COL26A1: variants seen among roughly 807,000 people sequenced by gnomAD.
COL26A1 encodes collagen alpha-1(XXVI) chain.
COL26A1 carries 41 observed loss-of-function variants against 59.3 expected under a neutral mutation model. The ratio of observed to expected loss-of-function variants is 0.69; its 90% confidence interval spans 0.54 to 0.90. COL26A1 has a LOEUF of 0.90. COL26A1 is among the 40% of genes least tolerant of loss of function. COL26A1 has a pLI of 0.00. For missense variants in COL26A1, 612 were observed against 602.3 expected, an observed-to-expected ratio of 1.02 and a Z score of -0.17; for synonymous variants, 266 against 256.0, an observed-to-expected ratio of 1.04 and a Z score of -0.37.
Position 101,400,351 on chromosome 7 carries a change from C to CTTT in COL26A1, c.159-19625_159-19624insTTT, listed in dbSNP as rs1387032420. 2.6e-3 allele frequency among the ~76,000 whole-genome samples: 318 copies of CTTT among 123,340 alleles called. 67 individuals carry two copies. Among genetic ancestry groups the CTTT allele is most frequent in the Admixed American group, 3.4e-3 (38 of 11,334 alleles). The allele number at this position is 123,340 out of a possible 152,430, so 80.9% of individuals were successfully genotyped here. On this transcript the variant is annotated intron_variant, in intron 1 of 12. Coordinates refer to ENST00000313669, the MANE Select transcript of COL26A1 (RefSeq NM_001278563.3). ...GTCCACACTGCCTTTCTTTTTTTTCCTATTTTTTTTTTTTTTTTTTTTTTT... is the reference window on the plus strand; with the variant it reads ...GTCCACACTGCCTTTCTTTTTTTTCCTTTTATTTTTTTTTTTTTTTTTTTTTTT...
At position 101,504,738 on chromosome 7, in the gene COL26A1, G is replaced by A. The variant is rs544265493; in HGVS notation, c.386-28344G>A. On this transcript the variant is annotated intron_variant, in intron 3 of 12. Transcript: ENST00000313669. The stretch of plus-strand genomic sequence containing the variant: ...CACACGATGCTGCTGAGTTCAGAGC[G>A]ATTCAGTGAATTTTCCACCGTCACC... Among the ~76,000 whole-genome samples the A allele has an allele frequency of 4.4e-4, 67 of 152,324 alleles. 2 individuals are homozygous for A. The highest frequency in any genetic ancestry group is 1.4e-3 in the African/African-American group (58 of 41,576).
chr7:101,444,501 G>A (rs540077853), intron 2 of COL26A1, among the ~76,000 whole-genome samples: 29 of 147,010 alleles, frequency 2.0e-4, no homozygotes, highest in African/African-American at 6.3e-4. Flanking sequence ...CCGCAACTCC[G>A]CCTCCTGGGT....
chr7:101,474,200 G>T (rs938571601), intron 3 of COL26A1, among the ~76,000 whole-genome samples: 1 of 152,166 alleles, frequency 6.6e-6, no homozygotes, highest in African/African-American at 2.4e-5. Context: ...TTGGATGAAG[G>T]CCACATAGAT....
intron 3 of COL26A1, among the ~76,000 whole-genome samples, chr7:101,450,815 A>G (rs1187617373): frequency 6.8e-6 from 1 of 147,656 alleles, no homozygotes; most frequent in Non-Finnish European, 1.5e-5. Context: ...TGAATTCCAT[A>G]GTCTATATGA....
chr7:101,382,968 G>C (rs568680409), intron 1 of COL26A1, among the ~76,000 whole-genome samples: 1 of 152,154 alleles, frequency 6.6e-6, no homozygotes, highest in Non-Finnish European at 1.5e-5. Flanking sequence ...CTTGAGCCCC[G>C]GAGGCAGAGG....
intron 1 of COL26A1, among the ~76,000 whole-genome samples, chr7:101,366,414 G>C (rs1369282583): frequency 6.6e-6 from 1 of 150,510 alleles, no homozygotes; most frequent in Non-Finnish European, 1.5e-5. Context: ...AATGATGACA[G>C]GGCTGTTTCT....
intron 1 of COL26A1, among the ~76,000 whole-genome samples, chr7:101,374,932 G>A (rs1263631946): frequency 6.6e-6 from 1 of 151,878 alleles, no homozygotes; most frequent in Non-Finnish European, 1.5e-5. Flanking sequence ...GTGTTGGCGG[G>A]CACCTGTAAT....
chr7:101,471,663 T>G (rs1220494219), intron 3 of COL26A1, among the ~76,000 whole-genome samples: 1 of 131,076 alleles, frequency 7.6e-6, no homozygotes, highest in Non-Finnish European at 1.6e-5. Flanking sequence ...CACTGCAACC[T>G]CCACCTACCG....
At chr7:101,457,328 T>C (rs553765090) in intron 3 of COL26A1, among the ~76,000 whole-genome samples, 56 of 152,296 alleles carry the variant, frequency 3.7e-4, no homozygotes, top group South Asian at 2.1e-3. Flanking sequence ...GTCATCAATG[T>C]TATGACCTCT....
intron 3 of COL26A1, among the ~76,000 whole-genome samples, chr7:101,489,458 G>T (rs1010260514): frequency 2.0e-5 from 3 of 152,140 alleles, no homozygotes; most frequent in Non-Finnish European, 4.4e-5. Context: ...TGATCCAGAC[G>T]CCAAGAGAGG....
chr7:101,470,137 C>T (rs1793861466), intron 3 of COL26A1, among the ~76,000 whole-genome samples: 2 of 149,878 alleles, frequency 1.3e-5, no homozygotes, highest in Non-Finnish European at 3.0e-5. Context: ...CAGAGTCTGG[C>T]TCTGTCATCC....
intron 3 of COL26A1, among the ~76,000 whole-genome samples, chr7:101,530,459 C>T (rs1248055734): frequency 6.7e-6 from 1 of 150,050 alleles, no homozygotes; most frequent in Non-Finnish European, 1.5e-5. Flanking sequence ...TCCTAGCTAC[C>T]CGGGAGGCTG....
rs111407042 is a variant in COL26A1, at chr7:101,546,720, G to A, written c.857-436G>A. On this transcript the variant is annotated intron_variant, in intron 7 of 12. Transcript: ENST00000313669. Reference sequence around the variant, plus strand: ...TTAAACAGACTCCACCCCTGCTCCAGGCAGTGTGGTCGCCATGATGTAATC... The same window carrying A: ...TTAAACAGACTCCACCCCTGCTCCAAGCAGTGTGGTCGCCATGATGTAATC... 6.1e-3 allele frequency among the ~76,000 whole-genome samples: 931 copies of A among 152,224 alleles called. 5 individuals carry two copies. Among genetic ancestry groups the A allele is most frequent in the African/African-American group, 0.02 (826 of 41,520 alleles).
chr7:101,430,464 T>A (rs915989327), intron 2 of COL26A1, among the ~76,000 whole-genome samples: 16 of 145,110 alleles, frequency 1.1e-4, no homozygotes, highest in Non-Finnish European at 2.0e-4. Flanking sequence ...AATTTTTGTA[T>A]TTTTTTTTTT....
At chr7:101,502,373 C>A (rs116099216) in intron 3 of COL26A1, among the ~76,000 whole-genome samples, 5,027 of 152,226 alleles carry the variant, frequency 0.033, 100 homozygotes, top group South Asian at 0.062. Context: ...ACAACAACAA[C>A]AAAAACCAGC....
chr7:101,509,920 G>A (rs2130581833), intron 3 of COL26A1, among the ~76,000 whole-genome samples: 1 of 151,660 alleles, frequency 6.6e-6, no homozygotes, highest in Non-Finnish European at 1.5e-5. Context: ...TAGAAACGGG[G>A]TTTCACCATG....
chr7:101,533,750 C>A (rs1300196210), intron 4 of COL26A1, among the ~76,000 whole-genome samples: 1 of 152,168 alleles, frequency 6.6e-6, no homozygotes, highest in Non-Finnish European at 1.5e-5. Context: ...CCATCCCACG[C>A]TCCCTCTGGG....
chr7:101,493,850 G>A (rs1023503772), intron 3 of COL26A1, among the ~76,000 whole-genome samples: 5 of 151,242 alleles, frequency 3.3e-5, no homozygotes, highest in African/African-American at 1.2e-4. Context: ...GGAGAATGGC[G>A]GGAACCCGGG....
At chr7:101,421,263 C>G (rs1200209947) in intron 2 of COL26A1, among the ~76,000 whole-genome samples, 2 of 152,184 alleles carry the variant, frequency 1.3e-5, no homozygotes, top group Non-Finnish European at 1.5e-5. Flanking sequence ...GGGCTGGCTG[C>G]TGGTCAAATG....
Sources: gnomAD v4.1 joint callset for allele counts (sites outside exome capture counted in the v4.1 genomes callset) on GRCh38, gnomAD v4.1.1 for gene constraint, MANE v1.5 for transcripts, NCBI Gene and HGNC (gene_info 2026-07-23, HGNC 2026-07-21) for gene names.